Variants in AHI1 observed in about 807,000 individuals in gnomAD.
AHI1 encodes Abelson helper integration site 1, also known as jouberin.
A neutral mutation model predicts 149.3 loss-of-function variants in AHI1; 123 were observed. The ratio of observed to expected loss-of-function variants is 0.82; its 90% confidence interval spans 0.71 to 0.96. The LOEUF (loss-of-function observed/expected upper bound fraction) is 0.96. AHI1 is among the 40% of genes least tolerant of loss of function. The probability of loss-of-function intolerance (pLI) is 0.00; values close to 1 mark genes in which losing one functional copy is unlikely to be tolerated. For missense variants in AHI1, 1,439 were observed against 1,422.7 expected, an observed-to-expected ratio of 1.01 and a Z score of -0.18; for synonymous variants, 475 against 459.8, an observed-to-expected ratio of 1.03 and a Z score of -0.42.
In AHI1 at chr6:135,447,107, T is replaced by C. The variant is rs200949030; in HGVS notation, c.1680A>G (p.Pro560=). 122 of 1,600,990 alleles carry C rather than the reference T, an allele frequency of 7.6e-5. No individual in the cohort carries two copies. The East Asian group carries it at 2.4e-3, about 31-fold the overall frequency. ...MMALQEEKGK[P]VHCERHHESS... ...ACTCATGGTGACGTTCACAATGCAC[T>C]GGTTTACCTTTTTCCTCCTGAAGAG... is the stretch of plus-strand genomic sequence containing the variant. Residue 560 remains proline, a synonymous_variant, in exon 13 of 29, where the codon CCA becomes CCG. Coordinates refer to ENST00000265602, the MANE Select transcript of AHI1 (RefSeq NM_001134831.2).
At chr6:135,432,280 T>A (rs1784774662) in intron 16 of AHI1, among the ~76,000 whole-genome samples, 1 of 152,196 alleles carries the variant, frequency 6.6e-6, no homozygotes, top group Non-Finnish European at 1.5e-5. Flanking sequence ...AAGTGACTAT[T>A]TAATAGATAC....
At chr6:135,410,605 G>C (rs1781452372) in intron 21 of AHI1, among the ~76,000 whole-genome samples, 2 of 152,126 alleles carry the variant, frequency 1.3e-5, no homozygotes, top group South Asian at 4.1e-4. Context: ...TATTGATCTG[G>C]TATTTTAAAG....
chr6:135,304,123 A>C (rs1784249118), intron 26 of AHI1, among the ~76,000 whole-genome samples: 1 of 151,926 alleles, frequency 6.6e-6, no homozygotes, highest in Admixed American at 6.6e-5. Flanking sequence ...TATGGCCTTG[A>C]CCTCCTGGGC....
At chr6:135,299,068 C>T (rs1283555041) in intron 27 of AHI1, among the ~76,000 whole-genome samples, 1 of 151,968 alleles carries the variant, frequency 6.6e-6, no homozygotes, top group Non-Finnish European at 1.5e-5. Flanking sequence ...GGGTCAGTGA[C>T]TGTTTATCTA....
intron 8 of AHI1, among the ~76,000 whole-genome samples, chr6:135,461,580 C>G (rs1191184603): frequency 6.6e-6 from 1 of 151,766 alleles, no homozygotes; most frequent in Non-Finnish European, 1.5e-5. Context: ...AACAATATGC[C>G]CAAGATAAAG....
chr6:135,321,632 T>G (rs929121718), intron 25 of AHI1, among the ~76,000 whole-genome samples: 3 of 152,162 alleles, frequency 2.0e-5, no homozygotes, highest in Non-Finnish European at 2.9e-5. Context: ...AATTGAAAAC[T>G]TAGGTTAGAA....
At chr6:135,321,588 A>T (rs543485990) in intron 25 of AHI1, among the ~76,000 whole-genome samples, 1 of 152,138 alleles carries the variant, frequency 6.6e-6, no homozygotes, top group African/African-American at 2.4e-5. Context: ...TCACGAAGGA[A>T]ATTCTTCCAT....
rs558732719 is a variant in AHI1 at position 135,445,912 on chromosome 6, C to T, written c.1779+1096G>A. On this transcript the variant is annotated intron_variant, in intron 13 of 28. Coordinates refer to ENST00000265602, the MANE Select transcript of AHI1 (RefSeq NM_001134831.2). The stretch of plus-strand genomic sequence containing the variant: ...TCTACTAAAAATACAAAAAATTAGC[C>T]AGGCGTGGTGGCAGACGCCTGTAGT... Among the ~76,000 whole-genome samples the T allele has an allele frequency of 3.3e-5, 5 of 152,060 alleles. No homozygotes were observed. The South Asian group carries it at 1.0e-3, about 32-fold the overall frequency.
chr6:135,413,510 T>C (rs1781904150), intron 20 of AHI1, among the ~76,000 whole-genome samples: 1 of 151,742 alleles, frequency 6.6e-6, no homozygotes, highest in Admixed American at 6.6e-5. Context: ...CAGACATGAT[T>C]GTCTAGGTAG....
intron 20 of AHI1, among the ~76,000 whole-genome samples, chr6:135,415,584 A>C (rs1236020421): frequency 6.6e-6 from 1 of 152,214 alleles, no homozygotes; most frequent in Non-Finnish European, 1.5e-5. Flanking sequence ...CAATCACTTT[A>C]AAAAATAGTC....
intron 23 of AHI1, among the ~76,000 whole-genome samples, chr6:135,386,045 G>C (rs185585753): frequency 1.3e-5 from 2 of 152,250 alleles, no homozygotes; most frequent in Admixed American, 1.3e-4. Context: ...ACTCTTGAAG[G>C]CAGGGTGTAT....
chr6:135,383,226 C>CTTTTTTTTTTTTTTTTTTTTTTTTTTTTT (rs764546253), intron 23 of AHI1, among the ~76,000 whole-genome samples: 1 of 76,868 alleles, frequency 1.3e-5, no homozygotes, highest in African/African-American at 6.6e-5. Flanking sequence ...TCCCCCCTCC[C>CTTTTTTTTTTTTTTTTTTTTTTTTTTTTT]TTTTTTTTTT....
rs6912941 is a variant in AHI1 at position 135,330,677 on chromosome 6, C to A, written c.3166-7353G>T. On this transcript the variant is annotated intron_variant, in intron 24 of 28. Transcript: ENST00000265602. ...TGAGGAATCAGGGTGGTTTCACATG[C>A]TACCATCTGTCCACATGCCGGCAGC... Among the ~76,000 whole-genome samples the A allele has an allele frequency of 4.0e-3, 615 of 152,310 alleles. 1 individual carries two copies. The highest frequency in any genetic ancestry group is 0.014 in the African/African-American group (591 of 41,576).
intron 22 of AHI1, among the ~76,000 whole-genome samples, chr6:135,403,960 A>G (rs1780384530): frequency 6.6e-6 from 1 of 151,980 alleles, no homozygotes; most frequent in South Asian, 2.1e-4. Context: ...CCATCAGGAA[A>G]GCGACAATAG....
intron 5 of AHI1, among the ~76,000 whole-genome samples, chr6:135,472,118 G>A (rs1791844422): frequency 6.8e-6 from 1 of 147,970 alleles, no homozygotes; most frequent in South Asian, 2.2e-4. Context: ...GCAAATGTAT[G>A]CAGTCATGTG....
intron 5 of AHI1, among the ~76,000 whole-genome samples, chr6:135,474,885 TTGTC>T (rs1460099989): frequency 1.3e-5 from 2 of 152,226 alleles, no homozygotes; most frequent in African/African-American, 4.8e-5. Context: ...CTTGCAATCT[TTGTC>T]TGGCTTTGGC....
intron 24 of AHI1, among the ~76,000 whole-genome samples, chr6:135,348,833 C>T (rs1045050592): frequency 6.6e-6 from 1 of 152,044 alleles, no homozygotes; most frequent in African/African-American, 2.4e-5. Context: ...ATAGTAATAG[C>T]TAATGGCCGA....
chr6:135,305,596 AT>A (rs1315865426), intron 26 of AHI1, among the ~76,000 whole-genome samples: 1 of 152,022 alleles, frequency 6.6e-6, no homozygotes, highest in East Asian at 1.9e-4. Context: ...GCTCCTTATT[AT>A]TTTTGGCTTG....
At chr6:135,439,218 T>A (rs563521674) in intron 14 of AHI1, among the ~76,000 whole-genome samples, 6 of 152,216 alleles carry the variant, frequency 3.9e-5, no homozygotes, top group Non-Finnish European at 8.8e-5. Flanking sequence ...TCAACCATGG[T>A]CTGAAAATAT....
Sources: allele counts gnomAD v4.1 joint callset (sites outside exome capture counted in the v4.1 genomes callset), GRCh38; gene constraint gnomAD v4.1.1; transcripts MANE v1.5; gene names NCBI Gene and HGNC (gene_info 2026-07-23, HGNC 2026-07-21).